CD4: variants seen among roughly 807,000 people sequenced by gnomAD.
CD4 encodes the protein CD4 molecule.
In CD4, 25 loss-of-function variants were observed where a neutral mutation model predicts 50.5. The ratio of observed to expected loss-of-function variants is 0.49; its 90% confidence interval spans 0.36 to 0.69. The LOEUF is 0.69. Among genes scored for constraint, CD4 ranks in the 30% least tolerant of loss-of-function variants. The pLI is 0.00. For missense variants in CD4, 456 were observed against 548.5 expected (o/e 0.83, Z 1.68); for synonymous variants, 207 against 221.9 (o/e 0.93, Z 0.60).
chr12:6,793,375 T>C (rs1942229071), intron 1 of CD4, among the ~76,000 whole-genome samples: 1 of 152,122 alleles, frequency 6.6e-6, no homozygotes, highest in South Asian at 2.1e-4. Flanking sequence ...AGAAGGGATA[T>C]CGTTTATGGA....
At chr12:6,810,999 C>T (rs1190644688) in intron 3 of CD4, among the ~76,000 whole-genome samples, 1 of 151,928 alleles carries the variant, frequency 6.6e-6, no homozygotes, top group African/African-American at 2.4e-5. Flanking sequence ...CTGGAAGGGG[C>T]TCCTGGACAG....
Position 6,817,234 on chromosome 12 carries a change from C to T in CD4, c.1060C>T (p.Arg354Trp), listed in dbSNP as rs200062430. The change falls in exon 7 of 10, where the codon CGG becomes TGG. Residue 354 changes from arginine (R) to tryptophan (W), a missense_variant. Transcript: ENST00000011653. ...GAACAAGGAGGCAAAGGTCTCGAAGCGGGAGAAGGCGGTGTGGGTGCTGAA... is the reference window on the plus strand; with the variant it reads ...GAACAAGGAGGCAAAGGTCTCGAAGTGGGAGAAGGCGGTGTGGGTGCTGAA... The part of the protein sequence containing the change: ...LENKEAKVSK[R>W]EKAVWVLNPE... The T allele has an allele frequency of 3.7e-5, 59 of 1,611,566 alleles. No individual in the cohort carries two copies. Among genetic ancestry groups the T allele is most frequent in the Admixed American group, 2.2e-4 (13 of 59,658 alleles).
In CD4 at chr12:6,816,173, C is replaced by T. The variant is rs199532890; in HGVS notation, c.725C>T (p.Ala242Val). The change falls in exon 6 of 10, where the codon GCG becomes GTG. Residue 242 changes from alanine to valine, a missense_variant. Ala to Val is a moderately conservative substitution (Grantham distance 64). Coordinates refer to ENST00000011653, the MANE Select transcript of CD4 (RefSeq NM_000616.5). The surrounding 1 kb of genome is among the most constrained non-coding windows in gnomAD (Gnocchi z 4.9). Reference protein sequence around the residue: ...LTGSGELWWQAERASSSKSWI... With the variant: ...LTGSGELWWQVERASSSKSWI... ...GGCAGTGGCGAGCTGTGGTGGCAGG[C>T]GGAGAGGGCTTCCTCCTCCAAGTCT... is the stretch of plus-strand genomic sequence containing the variant. 11 of 1,613,144 alleles carry T rather than the reference C, an allele frequency of 6.8e-6. No individual in the cohort carries two copies. The highest frequency in any genetic ancestry group is 6.7e-5 in the African/African-American group (5 of 74,882).
Position 6,816,135 on chromosome 12 carries a change from T to C in CD4, c.687T>C (p.Val229=). The part of the protein sequence containing the change: ...VEFSFPLAFT[V]EKLTGSGELW... ...TCTCCTTCCCACTCGCCTTTACAGT[T>C]GAAAAGCTGACGGGCAGTGGCGAGC... is the stretch of plus-strand genomic sequence containing the variant. Residue 229 remains valine, a synonymous_variant, in exon 6 of 10, where the codon GTT becomes GTC. Transcript: ENST00000011653. The surrounding 1 kb of genome is among the most constrained non-coding windows in gnomAD (Gnocchi z 4.9). 6.2e-7 allele frequency: 1 copy of C among 1,614,084 alleles called. No homozygotes were observed. Among genetic ancestry groups the C allele is most frequent in the Non-Finnish European group, 8.5e-7 (1 of 1,180,012 alleles).
Position 6,816,988 on chromosome 12 carries a change from G to A in CD4, c.956-142G>A. ...GCTGGGATTCAAATCCAATACCACT[G>A]GACCCCAAACGCTGTTTTTCCTCGT... is the stretch of plus-strand genomic sequence containing the variant. On this transcript the variant is annotated intron_variant, in intron 6 of 9. Transcript: ENST00000011653. This position sits in a 1 kb window ranked among gnomAD's most constrained non-coding sequence, Gnocchi z 4.9. 1.5e-6 allele frequency: 1 copy of A among 653,982 alleles called. No individual in the cohort carries two copies. The allele number at this position is 653,982 out of a possible 1,614,324, so 40.5% of individuals were successfully genotyped here.
intron 3 of CD4, among the ~76,000 whole-genome samples, chr12:6,808,450 CAAAAAAAAAAAA>C (rs3032789): frequency 0.022 from 818 of 37,722 alleles, 14 homozygotes; most frequent in African/African-American, 0.037. Flanking sequence ...GATTCTGTCT[CAAAAAAAAAAAA>C]AAAAAAAAAA....
At position 6,818,413 on chromosome 12, in the gene CD4, C is replaced by A; in HGVS notation, c.1157-8C>A. On this transcript the variant is annotated splice_polypyrimidine_tract_variant and splice_region_variant and intron_variant, in intron 7 of 9. Transcript: ENST00000011653. The surrounding 1 kb of genome is among the most constrained non-coding windows in gnomAD (Gnocchi z 5.0). ...GCGGTGCATTGAGCACATTTCTCTC[C>A]CTTGCAGTTCTGCCCACATGGTCCA... 6.2e-7 allele frequency: 1 copy of A among 1,612,104 alleles called. No individual in the cohort carries two copies. The highest frequency in any genetic ancestry group is 1.1e-5 in the South Asian group (1 of 91,080).
intron 3 of CD4, 110 bp downstream of exon 3, chr12:6,800,581 T>C: frequency 2.2e-6 from 2 of 928,942 alleles, no homozygotes; most frequent in Non-Finnish European, 3.2e-6. Context: ...AGGGCTTGGG[T>C]TGACAGAAAC....
In CD4 at chr12:6,818,963, G is replaced by A; in HGVS notation, c.1346+49G>A. 1.2e-6 allele frequency: 1 copy of A among 804,288 alleles called. No individual in the cohort carries two copies. Among genetic ancestry groups the A allele is most frequent in the Non-Finnish European group, 2.0e-6 (1 of 491,958 alleles). 49.8% of individuals were successfully genotyped at this position (804,288 alleles called of 1,614,324 possible). A position where few individuals can be genotyped will look rare whatever the true frequency, so the allele number is the denominator to read the frequency against. ...GAGAGAGGGGAAAGGGGGAGGGGGA[G>A]GGAGTTAGAGAGGAGGGGGAGGAAG... is the stretch of plus-strand genomic sequence containing the variant. On this transcript the variant is annotated intron_variant, in intron 9 of 9. Coordinates refer to ENST00000011653, the MANE Select transcript of CD4 (RefSeq NM_000616.5). This position sits in a 1 kb window ranked among gnomAD's most constrained non-coding sequence, Gnocchi z 5.0.
In CD4 at chr12:6,819,458, C is replaced by T. The variant is rs201639799; in HGVS notation, c.*129C>T. The T allele has an allele frequency of 6.8e-6, 6 of 876,034 alleles. No homozygotes were observed. Among genetic ancestry groups the T allele is most frequent in the Non-Finnish European group, 1.1e-5 (6 of 526,456 alleles). 54.3% of individuals were successfully genotyped at this position (876,034 alleles called of 1,614,324 possible). A position where few individuals can be genotyped will look rare whatever the true frequency, so the allele number is the denominator to read the frequency against. On this transcript the variant is annotated 3_prime_UTR_variant, in exon 10 of 10. Transcript: ENST00000011653. The stretch of plus-strand genomic sequence containing the variant: ...CCTGTTCGCCTCCTCTACAATTTGC[C>T]ATTGTTTCTCCTGGGTTAGGCCCCG...
Position 6,816,074 on chromosome 12 carries a change from G to C in CD4, c.626G>C (p.Ser209Thr). The change falls in exon 6 of 10, where the codon AGC becomes ACC. Residue 209 changes from serine to threonine, a missense_variant. By Grantham distance (58) the Ser-to-Thr change is moderately conservative. Coordinates refer to ENST00000011653, the MANE Select transcript of CD4 (RefSeq NM_000616.5). The surrounding 1 kb of genome is among the most constrained non-coding windows in gnomAD (Gnocchi z 4.9). The part of the protein sequence containing the change: ...IVVLAFQKAS[S>T]IVYKKEGEQV... The stretch of plus-strand genomic sequence containing the variant: ...CCTCCAGCTTTCCAGAAGGCCTCCA[G>C]CATAGTCTATAAGAAAGAGGGGGAA... 5 of 1,614,124 alleles carry C rather than the reference G, an allele frequency of 3.1e-6. No individual in the cohort carries two copies. Among genetic ancestry groups the C allele is most frequent in the Admixed American group, 1.7e-5 (1 of 60,014 alleles).
chr12:6,804,885 A>G (rs921004370), intron 3 of CD4, among the ~76,000 whole-genome samples: 39 of 152,052 alleles, frequency 2.6e-4, no homozygotes, highest in African/African-American at 8.9e-4. Context: ...ATGTGGTGGC[A>G]GGCGCCTGTA....
In CD4 at chr12:6,818,285, GC is replaced by G; in HGVS notation, c.1157-131del. On this transcript the variant is annotated intron_variant, in intron 7 of 9. Coordinates refer to ENST00000011653, the MANE Select transcript of CD4 (RefSeq NM_000616.5). The surrounding 1 kb of genome is among the most constrained non-coding windows in gnomAD (Gnocchi z 5.0). ...TCCCCAGCACTGGCGGCCTTTGAGA[GC>G]CCCCAGGCACCCCTCCCCTCTCCCC... 1.8e-6 allele frequency: 2 copies of G among 1,083,798 alleles called. No individual in the cohort carries two copies. Among genetic ancestry groups the G allele is most frequent in the South Asian group, 3.0e-5 (2 of 67,164 alleles). 67.1% of individuals were successfully genotyped at this position (1,083,798 alleles called of 1,614,324 possible).
chr12:6,808,383 C>T (rs1240572497), intron 3 of CD4, among the ~76,000 whole-genome samples: 4 of 404 alleles, frequency 9.9e-3, no homozygotes, highest in African/African-American at 0.016. Flanking sequence ...ACCCAGGAGG[C>T]GAAGTTGCAG....
Position 6,814,178 on chromosome 12 carries a change from G to A in CD4, c.251G>A (p.Arg84Lys). 1 of 1,614,126 alleles carries A rather than the reference G, an allele frequency of 6.2e-7. No individual in the cohort carries two copies. The change falls in exon 4 of 10, where the codon AGA becomes AAA. Residue 84 changes from arginine to lysine, a missense_variant. Physicochemically the swap from Arg to Lys is conservative, Grantham distance 26. Transcript: ENST00000011653. The part of the protein sequence containing the change: ...SKLNDRADSR[R>K]SLWDQGNFPL... The stretch of plus-strand genomic sequence containing the variant: ...CTGAATGATCGCGCTGACTCAAGAA[G>A]AAGCCTTTGGGACCAAGGAAACTTT...
In CD4 at chr12:6,816,317, A is replaced by G; in HGVS notation, c.869A>G (p.Gln290Arg). The change falls in exon 6 of 10, where the codon CAG (glutamine) becomes CGG (arginine). Residue 290 changes from glutamine (Q) to arginine (R), a missense_variant. Transcript: ENST00000011653. This position sits in a 1 kb window ranked among gnomAD's most constrained non-coding sequence, Gnocchi z 4.9. The stretch of plus-strand genomic sequence containing the variant: ...CTCACCCTGCCCCAGGCCTTGCCTC[A>G]GTATGCTGGCTCTGGAAACCTCACC... ...LHLTLPQALP[Q>R]YAGSGNLTLA... is the part of the protein sequence containing the mutation. The G allele has an allele frequency of 6.2e-7, 1 of 1,614,226 alleles. No homozygotes were observed. The highest frequency in any genetic ancestry group is 8.5e-7 in the Non-Finnish European group (1 of 1,180,032).
At chr12:6,819,060 G>C (rs1306647611) in intron 9 of CD4, 146 bp downstream of exon 9, 3 of 707,886 alleles carry the variant, frequency 4.2e-6, no homozygotes, top group Non-Finnish European at 7.5e-6. Context: ...GGGAGGGGTG[G>C]AGGTGAGGAG....
At position 6,815,008 on chromosome 12, in the gene CD4, C is replaced by A. The variant is rs199808793; in HGVS notation, c.607+16C>A. The A allele has an allele frequency of 3.9e-6, 6 of 1,555,378 alleles. No individual in the cohort carries two copies. The highest frequency in any genetic ancestry group is 1.9e-4 in the Middle Eastern group (1 of 5,304). ...GTGGTGCTAGGTAAGGGAAGCCCCT[C>A]TTCGCGCAGTCTCCTCCCTGCCCCA... On this transcript the variant is annotated intron_variant, in intron 5 of 9. Coordinates refer to ENST00000011653, the MANE Select transcript of CD4 (RefSeq NM_000616.5).
At chr12:6,812,174 C>A (rs978048667) in intron 3 of CD4, among the ~76,000 whole-genome samples, 1 of 151,772 alleles carries the variant, frequency 6.6e-6, no homozygotes, top group African/African-American at 2.4e-5. Context: ...CTGAGGTGGG[C>A]GGGTTGCTTG....
Sources: gnomAD v4.1 joint callset for allele counts (sites outside exome capture counted in the v4.1 genomes callset) on GRCh38, gnomAD v4.1.1 for gene constraint, Gnocchi (gnomAD v3.1) non-coding constraint, MANE v1.5 for transcripts, NCBI Gene and HGNC (gene_info 2026-07-23, HGNC 2026-07-21) for gene names.